The following AK2 variants were observed in gnomAD, a reference collection of about 807,000 sequenced individuals.
AK2 encodes the protein adenylate kinase 2, mitochondrial.
A neutral mutation model predicts 24.6 loss-of-function variants in AK2; 15 were observed. That is an observed-to-expected ratio of 0.61 (90% CI 0.41 to 0.94). The LOEUF (loss-of-function observed/expected upper bound fraction) is 0.94, where lower values mean the gene tolerates loss of function less well. AK2 is among the 40% of genes least tolerant of loss of function. AK2 has a pLI of 0.00. For missense variants in AK2, 257 were observed against 304.1 expected, an observed-to-expected ratio of 0.85 and a Z score of 1.15; for synonymous variants, 102 against 114.0, an observed-to-expected ratio of 0.90 and a Z score of 0.67.
chr1:33,024,292 A>G (rs1639736028), intron 2 of AK2, 150 bp downstream of exon 2: 1 of 1,086,296 alleles, frequency 9.2e-7, no homozygotes, highest in Non-Finnish European at 1.4e-6. Flanking sequence ...GCTGGTAAAT[A>G]CTTGAAATAT....
chr1:33,008,770 A>G lies in AK2; in HGVS notation c.*4411T>C, dbSNP rs1428248439. The stretch of plus-strand genomic sequence containing the variant: ...GTCGAGGGTTACATGAAGCCTTTGC[A>G]TAATACCTGGCACAACGTCAGTCTT... On this transcript the variant is annotated 3_prime_UTR_variant, in exon 6 of 6. Coordinates refer to ENST00000672715, the MANE Select transcript of AK2 (RefSeq NM_001625.4). The G allele has an allele frequency of 2.2e-6, 1 of 454,022 alleles. No individual in the cohort carries two copies. The highest frequency in any genetic ancestry group is 4.4e-6 in the Non-Finnish European group (1 of 226,806). 28.1% of individuals were successfully genotyped at this position (454,022 alleles called of 1,614,324 possible).
At chr1:33,014,811 G>C (rs1296196508) in intron 4 of AK2, among the ~76,000 whole-genome samples, 2 of 152,176 alleles carry the variant, frequency 1.3e-5, no homozygotes, top group Non-Finnish European at 2.9e-5. Context: ...ATGAGTATCT[G>C]GCTGAAGAGC....
intron 4 of AK2, 109 bp downstream of exon 4, chr1:33,021,258 T>C: frequency 4.2e-6 from 4 of 960,214 alleles, no homozygotes; most frequent in Non-Finnish European, 6.8e-6. Context: ...ATAAAATCAA[T>C]CCATGTTGAA....
intron 1 of AK2, among the ~76,000 whole-genome samples, chr1:33,030,133 C>T (rs540881918): frequency 3.9e-5 from 6 of 152,394 alleles, no homozygotes; most frequent in Admixed American, 6.5e-5. Flanking sequence ...ACTGCTCTTA[C>T]GCATGGTTCC....
At chr1:33,026,938 C>T (rs1381889051) in intron 1 of AK2, among the ~76,000 whole-genome samples, 1 of 151,972 alleles carries the variant, frequency 6.6e-6, no homozygotes, top group Non-Finnish European at 1.5e-5. Context: ...CTAGCCTGGC[C>T]AACATGGTGA....
At chr1:33,031,500 T>C (rs1053299262) in intron 1 of AK2, 3 of 440,984 alleles carry the variant, frequency 6.8e-6, no homozygotes, top group Non-Finnish European at 1.4e-5. Flanking sequence ...ATGTTGTAAT[T>C]ATTACACCCT....
intron 2 of AK2, 175 bp downstream of exon 2, chr1:33,024,267 T>A: frequency 1.1e-6 from 1 of 876,138 alleles, no homozygotes; most frequent in Non-Finnish European, 1.8e-6. Context: ...GATGGAAAGT[T>A]CTGTATCAGC....
chr1:33,034,032 C>T (rs945235429), intron 1 of AK2, among the ~76,000 whole-genome samples: 3 of 152,082 alleles, frequency 2.0e-5, no homozygotes, highest in Non-Finnish European at 4.4e-5. Flanking sequence ...CACCACCATG[C>T]CTGGCTAATT....
chr1:33,020,453 C>A (rs150973413), intron 4 of AK2, among the ~76,000 whole-genome samples: 1 of 152,180 alleles, frequency 6.6e-6, no homozygotes, highest in Non-Finnish European at 1.5e-5. Flanking sequence ...TTACCTAACA[C>A]GTGAAATAGC....
intron 4 of AK2, among the ~76,000 whole-genome samples, chr1:33,017,332 A>G (rs1639253189): frequency 6.6e-6 from 1 of 152,160 alleles, no homozygotes; most frequent in Admixed American, 6.5e-5. Flanking sequence ...TGCACCTTCC[A>G]TTATTTGAGT....
chr1:33,032,881 G>A (rs1195677675), intron 1 of AK2, among the ~76,000 whole-genome samples: 1 of 152,118 alleles, frequency 6.6e-6, no homozygotes, highest in African/African-American at 2.4e-5. Flanking sequence ...CCAATTTCTG[G>A]GGCTGGACAT....
intron 1 of AK2, among the ~76,000 whole-genome samples, chr1:33,027,953 T>A (rs1192284276): frequency 6.6e-6 from 1 of 152,054 alleles, no homozygotes; most frequent in Non-Finnish European, 1.5e-5. Flanking sequence ...AGTTTCCTCA[T>A]CAGTTTAATG....
intron 4 of AK2, among the ~76,000 whole-genome samples, chr1:33,019,121 G>A (rs1016468903): frequency 3.3e-5 from 5 of 152,080 alleles, no homozygotes; most frequent in African/African-American, 9.7e-5. Context: ...ACTCTTCATC[G>A]AGGAAGAGTT....
At chr1:33,023,185 C>G (rs1045463476) in intron 2 of AK2, among the ~76,000 whole-genome samples, 1 of 152,162 alleles carries the variant, frequency 6.6e-6, no homozygotes, top group Non-Finnish European at 1.5e-5. Flanking sequence ...CAGAATAACT[C>G]AGTTATAATT....
intron 1 of AK2, chr1:33,029,273 G>A (rs1640093733): frequency 1.3e-5 from 2 of 151,880 alleles, no homozygotes; most frequent in African/African-American, 4.8e-5. Flanking sequence ...GGAGCACAGT[G>A]GCTTCACAAG....
At chr1:33,036,690 T>C (rs1290906065) in intron 1 of AK2, 46 bp downstream of exon 1, 3 of 1,522,094 alleles carry the variant, frequency 2.0e-6, no homozygotes, top group East Asian at 4.9e-5. Flanking sequence ...CGCCTTGACC[T>C]TGGAGTTCAG....
At chr1:33,023,468 C>T (rs909434184) in intron 2 of AK2, among the ~76,000 whole-genome samples, 6 of 152,024 alleles carry the variant, frequency 3.9e-5, no homozygotes, top group Admixed American at 3.9e-4. Flanking sequence ...GTGCCTGTAA[C>T]CCTAGCTACT....
intron 4 of AK2, chr1:33,019,968 T>C: frequency 7.0e-7 from 1 of 1,428,120 alleles, no homozygotes; most frequent in South Asian, 1.5e-5. Context: ...GACAAAGACA[T>C]AAAAAAGCTA....
chr1:33,031,998 A>G (rs886426332), intron 1 of AK2: 1 of 220,176 alleles, frequency 4.5e-6, no homozygotes, highest in African/African-American at 2.3e-5. Context: ...TACTTTAGTT[A>G]AAAGTGAGGA....
Sources: gnomAD v4.1 joint callset for allele counts (sites outside exome capture counted in the v4.1 genomes callset) on GRCh38, gnomAD v4.1.1 for gene constraint, MANE v1.5 for transcripts, NCBI Gene and HGNC (gene_info 2026-07-23, HGNC 2026-07-21) for gene names.